The following AP4E1 variants were observed in gnomAD, a reference collection of about 807,000 sequenced individuals.
AP4E1 encodes the protein AP-4 complex subunit epsilon-1.
Under a neutral mutation model 128.2 loss-of-function variants are expected in AP4E1, and 56 were observed. That is an observed-to-expected ratio of 0.44 (90% confidence interval 0.35 to 0.55). The LOEUF is 0.55. Among genes scored for constraint, AP4E1 ranks in the 20% least tolerant of loss-of-function variants. AP4E1 has a pLI of 0.00. For synonymous variants in AP4E1, 484 were observed against 473.1 expected, an observed-to-expected ratio of 1.02 and a Z score of -0.30; for missense variants, 1,324 against 1,307.7, an observed-to-expected ratio of 1.01 and a Z score of -0.19.
At chr15:50,942,980 A>AC (rs1170150979) in intron 10 of AP4E1, among the ~76,000 whole-genome samples, 1 of 152,042 alleles carries the variant, frequency 6.6e-6, no homozygotes, top group Non-Finnish European at 1.5e-5. Flanking sequence ...CGTCTATTGA[A>AC]CCCATCACCC....
chr15:50,948,143 G>A lies in AP4E1; in HGVS notation c.1300G>A (p.Ala434Thr), dbSNP rs756376888. The A allele has an allele frequency of 1.3e-5, 21 of 1,613,894 alleles. No homozygotes were observed. The South Asian group carries it at 2.2e-4, about 17-fold the overall frequency. ...CATCGTCAATTTGGTCGGCAAAATA[G>A]CAGAGCTGGCTGAGAAATATCCTTT... ...YVIVNLVGKI[A>T]ELAEKYAPDN... The change falls in exon 11 of 21, where the codon GCA becomes ACA. Residue 434 changes from alanine to threonine, a missense_variant. Physicochemically the swap from Ala to Thr is moderately conservative, Grantham distance 58. Transcript: ENST00000261842.
intron 1 of AP4E1, among the ~76,000 whole-genome samples, 155 bp from the exon 2 acceptor site, chr15:50,911,923 G>A (rs2063571341): frequency 6.6e-6 from 1 of 152,210 alleles, no homozygotes; most frequent in Non-Finnish European, 1.5e-5. Flanking sequence ...AATGCCTTTA[G>A]ATAGATCGTA....
In AP4E1 at chr15:51,002,468, C is replaced by T. The variant is rs779942427; in HGVS notation, c.3254-34C>T. On this transcript the variant is annotated intron_variant, in intron 20 of 20. Coordinates refer to ENST00000261842, the MANE Select transcript of AP4E1 (RefSeq NM_007347.5). ...AGAAATGTCTGTTTAACTCCTTTTGCATTAAATCATTTTTCACTTTTGTTT... is the reference window on the plus strand; with the variant it reads ...AGAAATGTCTGTTTAACTCCTTTTGTATTAAATCATTTTTCACTTTTGTTT... 2.5e-6 allele frequency: 4 copies of T among 1,609,416 alleles called. No individual in the cohort carries two copies. In the East Asian group the frequency reaches 6.7e-5, roughly 27 times the overall value.
Position 50,948,115 on chromosome 15 carries a change from T to C in AP4E1, c.1272T>C (p.Tyr424=). 1 of 1,613,964 alleles carries C rather than the reference T, an allele frequency of 6.2e-7. No homozygotes were observed. Among genetic ancestry groups the C allele is most frequent in the Non-Finnish European group, 8.5e-7 (1 of 1,179,926 alleles). The part of the protein sequence containing the change: ...LEYLHQSKEE[Y]VIVNLVGKIA... ...ATTTACATCAGAGCAAAGAAGAGTA[T>C]GTCATCGTCAATTTGGTCGGCAAAA... The change falls in exon 11 of 21, where the codon TAT becomes TAC. Residue 424 remains tyrosine (Y), a synonymous_variant. Coordinates refer to ENST00000261842, the MANE Select transcript of AP4E1 (RefSeq NM_007347.5).
intron 13 of AP4E1, among the ~76,000 whole-genome samples, chr15:50,950,411 GTTTT>G (rs2064133080): frequency 1.3e-5 from 2 of 151,670 alleles, no homozygotes; most frequent in Non-Finnish European, 2.9e-5. Flanking sequence ...TTTTTGTTGT[GTTTT>G]TTATGTGCAT....
At chr15:50,927,093 T>C (rs1280845496) in intron 5 of AP4E1, among the ~76,000 whole-genome samples, 1 of 152,260 alleles carries the variant, frequency 6.6e-6, no homozygotes, top group Non-Finnish European at 1.5e-5. Flanking sequence ...GATCTGATTA[T>C]AAAAGCAGCA....
At chr15:50,909,910 C>A (rs568975840) in intron 1 of AP4E1, among the ~76,000 whole-genome samples, 1 of 152,198 alleles carries the variant, frequency 6.6e-6, no homozygotes, top group African/African-American at 2.4e-5. Context: ...TGGTCTCGAT[C>A]TCCTGACCTC....
intron 10 of AP4E1, chr15:50,945,812 A>T: frequency 1.3e-6 from 1 of 770,404 alleles, no homozygotes; most frequent in Admixed American, 1.9e-5. Context: ...TTTCAGCATC[A>T]TCCTGATATA....
intron 15 of AP4E1, among the ~76,000 whole-genome samples, chr15:50,972,823 TTGGC>T (rs1057022028): frequency 4.6e-5 from 7 of 152,300 alleles, no homozygotes; most frequent in African/African-American, 1.7e-4. Context: ...GCAAGGCTGT[TTGGC>T]TGGCCTTGGG....
At chr15:50,952,067 C>T (rs1420915072) in intron 13 of AP4E1, among the ~76,000 whole-genome samples, 1 of 152,122 alleles carries the variant, frequency 6.6e-6, no homozygotes, top group Non-Finnish European at 1.5e-5. Context: ...ACTGTATCTG[C>T]ATCTATAGGT....
intron 15 of AP4E1, among the ~76,000 whole-genome samples, chr15:50,968,861 G>C (rs2064434693): frequency 6.6e-6 from 1 of 151,884 alleles, no homozygotes; most frequent in African/African-American, 2.4e-5. Context: ...TCGGCCTCAA[G>C]TGATCTTTGA....
At chr15:50,918,768 T>C (rs1017550716) in intron 3 of AP4E1, among the ~76,000 whole-genome samples, 23 of 152,236 alleles carry the variant, frequency 1.5e-4, no homozygotes, top group Non-Finnish European at 2.9e-5. Context: ...ACTTGAAAGA[T>C]AGCATACTAT....
chr15:50,924,040 A>G, intron 4 of AP4E1, 36 bp downstream of exon 4: 2 of 1,522,034 alleles, frequency 1.3e-6, no homozygotes, highest in Non-Finnish European at 9.1e-7. Context: ...TGAAGTCATA[A>G]TTCTTGTCAG....
intron 15 of AP4E1, among the ~76,000 whole-genome samples, chr15:50,979,229 G>A (rs1000792963): frequency 2.6e-5 from 4 of 152,156 alleles, no homozygotes; most frequent in Non-Finnish European, 5.9e-5. Context: ...GATGGTAAGT[G>A]CAATGGTTTG....
chr15:50,931,118 C>A, intron 7 of AP4E1, 147 bp downstream of exon 7: 1 of 1,027,452 alleles, frequency 9.7e-7, no homozygotes, highest in East Asian at 2.5e-5. Context: ...GTAAGAATCA[C>A]ATAAATGCTT....
chr15:50,938,878 C>G (rs1016399237), intron 8 of AP4E1, among the ~76,000 whole-genome samples: 1 of 152,108 alleles, frequency 6.6e-6, no homozygotes, highest in African/African-American at 2.4e-5. Context: ...GATTCCATTC[C>G]CATTGGGTGA....
At chr15:50,918,322 A>G (rs910079806) in intron 3 of AP4E1, among the ~76,000 whole-genome samples, 1 of 152,104 alleles carries the variant, frequency 6.6e-6, no homozygotes, top group African/African-American at 2.4e-5. Flanking sequence ...AGAATTTAGT[A>G]CTTTGCTTTG....
intron 15 of AP4E1, among the ~76,000 whole-genome samples, chr15:50,972,909 C>T (rs533475356): frequency 6.6e-6 from 1 of 152,266 alleles, no homozygotes; most frequent in East Asian, 1.9e-4. Context: ...CCACATGGCT[C>T]TGAGCAGTCT....
intron 13 of AP4E1, among the ~76,000 whole-genome samples, chr15:50,953,474 C>T (rs1160984072): frequency 2.0e-5 from 3 of 152,178 alleles, no homozygotes; most frequent in African/African-American, 7.2e-5. Flanking sequence ...ATGATGAAAT[C>T]TTGAGCCATC....
Sources: allele counts gnomAD v4.1 joint callset (sites outside exome capture counted in the v4.1 genomes callset), GRCh38; gene constraint gnomAD v4.1.1; transcripts MANE v1.5; gene names NCBI Gene and HGNC (gene_info 2026-07-23, HGNC 2026-07-21).